The following TOM1L2 variants were observed in gnomAD, a reference collection of about 807,000 sequenced individuals.
TOM1L2 encodes TOM1-like protein 2.
TOM1L2 carries 31 observed loss-of-function variants against 67.9 expected under a neutral mutation model. The observed-to-expected ratio is 0.46, with a 90% CI of 0.34 to 0.62. The LOEUF (loss-of-function observed/expected upper bound fraction) is 0.62, where lower values mean the gene tolerates loss of function less well. Ranked by LOEUF, TOM1L2 falls within the 20% of genes least tolerant of loss-of-function variation. TOM1L2 has a pLI of 0.01. For synonymous variants in TOM1L2, 256 were observed against 254.0 expected (o/e 1.01, Z -0.07); for missense variants, 606 against 663.5 (o/e 0.91, Z 0.95).
chr17:17,874,998 TG>T (rs1313589865), intron 7 of TOM1L2, among the ~76,000 whole-genome samples: 3 of 152,196 alleles, frequency 2.0e-5, no homozygotes, highest in Non-Finnish European at 4.4e-5. Context: ...GGCTCACACC[TG>T]TAATCTCAGC....
At chr17:17,896,776 A>G (rs79665189) in intron 3 of TOM1L2, among the ~76,000 whole-genome samples, 2,014 of 152,298 alleles carry the variant, frequency 0.013, 23 homozygotes, top group Non-Finnish European at 0.019. Context: ...ACAAGCAGAG[A>G]GCCCCTCAGG....
chr17:17,872,708 G>A (rs542988636), intron 7 of TOM1L2, among the ~76,000 whole-genome samples: 43 of 152,212 alleles, frequency 2.8e-4, no homozygotes, highest in Non-Finnish European at 4.9e-4. Flanking sequence ...TTGCTCCAGC[G>A]CTCCAGGTGT....
chr17:17,866,624 T>A (rs2036864069), intron 9 of TOM1L2, among the ~76,000 whole-genome samples: 1 of 152,092 alleles, frequency 6.6e-6, no homozygotes, highest in South Asian at 2.1e-4. Flanking sequence ...CTCCTCCCCG[T>A]CCCCACTAGA....
At chr17:17,909,803 G>A (rs2039263686) in intron 1 of TOM1L2, among the ~76,000 whole-genome samples, 3 of 152,222 alleles carry the variant, frequency 2.0e-5, no homozygotes, top group Admixed American at 2.0e-4. Context: ...GCTGAGGCAG[G>A]AGGGTTACTT....
intron 1 of TOM1L2, among the ~76,000 whole-genome samples, chr17:17,912,092 C>A (rs566278444): frequency 6.6e-6 from 1 of 152,290 alleles, no homozygotes; most frequent in South Asian, 2.1e-4. Flanking sequence ...ATTTCTCAAT[C>A]TTTTCCCCAC....
rs147657261 is a variant in TOM1L2, at chr17:17,929,826, G to A, written c.53-22295C>T. Among the ~76,000 whole-genome samples, 47 of 152,348 alleles carry A rather than the reference G, an allele frequency of 3.1e-4. No individual in the cohort carries two copies. In the East Asian group the frequency reaches 4.2e-3, roughly 14 times the overall value. On this transcript the variant is annotated intron_variant, in intron 1 of 14. Coordinates refer to ENST00000379504, the MANE Select transcript of TOM1L2 (RefSeq NM_001082968.2). ...ATTCACCAATCCCTGGCCTCAGTCA[G>A]ATACCACTTCTGCCCTAGAGCTTTA...
intron 4 of TOM1L2, among the ~76,000 whole-genome samples, chr17:17,889,869 A>G (rs1159783838): frequency 6.6e-6 from 1 of 152,132 alleles, no homozygotes; most frequent in Non-Finnish European, 1.5e-5. Flanking sequence ...TTCTCTGAAG[A>G]GCACCAAGAA....
chr17:17,866,496 A>C, intron 9 of TOM1L2, 77 bp from the exon 10 acceptor site: 1 of 1,475,532 alleles, frequency 6.8e-7, no homozygotes, highest in South Asian at 1.4e-5. Context: ...CAAGGCAACT[A>C]TGCAGGGTTC....
intron 1 of TOM1L2, among the ~76,000 whole-genome samples, chr17:17,931,148 C>T (rs1443611537): frequency 2.0e-5 from 3 of 152,152 alleles, no homozygotes; most frequent in Non-Finnish European, 4.4e-5. Flanking sequence ...ACTACACATT[C>T]AACCAAACCA....
chr17:17,954,709 G>A (rs1168099144), intron 1 of TOM1L2, among the ~76,000 whole-genome samples: 1 of 152,140 alleles, frequency 6.6e-6, no homozygotes, highest in African/African-American at 2.4e-5. Context: ...AGAAAGGGAG[G>A]GAGAATATGA....
intron 10 of TOM1L2, chr17:17,863,425 G>A (rs1331242843): frequency 6.5e-6 from 1 of 153,800 alleles, no homozygotes; most frequent in Admixed American, 6.6e-5. Flanking sequence ...GGGGAGAAGG[G>A]GAAAGGCAGA....
In TOM1L2 at chr17:17,931,642, C is replaced by T. The variant is rs182537814; in HGVS notation, c.53-24111G>A. Among the ~76,000 whole-genome samples, 154 of 152,248 alleles carry T rather than the reference C, an allele frequency of 1.0e-3. 2 individuals carry two copies. The highest frequency in any genetic ancestry group is 3.7e-3 in the African/African-American group (153 of 41,542). ...CAGAAGACCTTACACATGAGGGGAC[C>T]TCAAAAATGGAGTTGCAGAGTTATC... On this transcript the variant is annotated intron_variant, in intron 1 of 14. Transcript: ENST00000379504.
chr17:17,890,864 T>A (rs1313563623), intron 4 of TOM1L2, among the ~76,000 whole-genome samples: 3 of 152,056 alleles, frequency 2.0e-5, no homozygotes, highest in Non-Finnish European at 2.9e-5. Context: ...ATTAAAAGTT[T>A]AAAAAAAAGA....
intron 1 of TOM1L2, among the ~76,000 whole-genome samples, chr17:17,957,437 G>A (rs564469564): frequency 9.2e-5 from 14 of 152,308 alleles, no homozygotes; most frequent in Admixed American, 4.6e-4. Context: ...GTGTGTTGGA[G>A]GAGAGGATTA....
chr17:17,933,592 C>T (rs1371014921), intron 1 of TOM1L2, among the ~76,000 whole-genome samples: 2 of 152,176 alleles, frequency 1.3e-5, no homozygotes. Context: ...TTCTGATGCC[C>T]CCTAAGCATC....
chr17:17,873,061 A>G (rs2037235670), intron 7 of TOM1L2, among the ~76,000 whole-genome samples: 1 of 152,220 alleles, frequency 6.6e-6, no homozygotes, highest in African/African-American at 2.4e-5. Context: ...AGGTGGCCTC[A>G]GGCACTTGCC....
At chr17:17,915,586 G>A (rs1251913777) in intron 1 of TOM1L2, among the ~76,000 whole-genome samples, 1 of 151,830 alleles carries the variant, frequency 6.6e-6, no homozygotes, top group Non-Finnish European at 1.5e-5. Flanking sequence ...TAGCAGCATA[G>A]CTCATTGCAA....
At chr17:17,848,921 CCT>C (rs1296585073) in intron 13 of TOM1L2, 62 bp from the exon 14 acceptor site, 25 of 1,586,138 alleles carry the variant, frequency 1.6e-5, no homozygotes, top group Non-Finnish European at 1.6e-5. Flanking sequence ...CGCCCAGCCA[CCT>C]CTGTCTGCCC....
At chr17:17,868,972 CT>C (rs2037000319) in intron 8 of TOM1L2, 1 of 172,912 alleles carries the variant, frequency 5.8e-6, no homozygotes, top group Non-Finnish European at 1.2e-5. Flanking sequence ...CCCTTTAATC[CT>C]TTTCAAATTC....
Sources: gnomAD v4.1 joint callset for allele counts (sites outside exome capture counted in the v4.1 genomes callset) on GRCh38, gnomAD v4.1.1 for gene constraint, MANE v1.5 for transcripts, NCBI Gene and HGNC (gene_info 2026-07-23, HGNC 2026-07-21) for gene names.